Variants in ZBTB43 observed in about 807,000 individuals in gnomAD.
ZBTB43 encodes zinc finger and BTB domain containing 43.
Under a neutral mutation model 31.1 loss-of-function variants are expected in ZBTB43, and 6 were observed. That is an observed-to-expected ratio of 0.19 (90% CI 0.11 to 0.38). The LOEUF (loss-of-function observed/expected upper bound fraction) is 0.38. Among genes scored for constraint, ZBTB43 ranks in the 10% least tolerant of loss-of-function variants. The pLI, the probability that ZBTB43 is intolerant of heterozygous loss-of-function variation, is 1.00. For missense variants in ZBTB43, 379 were observed against 602.1 expected (o/e 0.63, Z 3.88); for synonymous variants, 212 against 221.7 (o/e 0.96, Z 0.39).
chr9:126,828,186 T>C (rs939846130), intron 2 of ZBTB43, among the ~76,000 whole-genome samples: 1 of 151,596 alleles, frequency 6.6e-6, no homozygotes, highest in African/African-American at 2.4e-5. Flanking sequence ...TTTTATTATT[T>C]ATTTATTTTT....
At chr9:126,827,057 A>T (rs1437106106) in intron 2 of ZBTB43, among the ~76,000 whole-genome samples, 3 of 152,054 alleles carry the variant, frequency 2.0e-5, no homozygotes, top group Admixed American at 2.0e-4. Context: ...CTCCTCTGGG[A>T]TTGCTTTTGT....
At chr9:126,814,318 TC>T (rs2032320910) in intron 2 of ZBTB43, among the ~76,000 whole-genome samples, 1 of 151,478 alleles carries the variant, frequency 6.6e-6, no homozygotes. Flanking sequence ...GAAATTTACA[TC>T]TGTAAAATGT....
intron 2 of ZBTB43, among the ~76,000 whole-genome samples, chr9:126,815,720 TC>T (rs2032372164): frequency 6.6e-6 from 1 of 151,882 alleles, no homozygotes; most frequent in Non-Finnish European, 1.5e-5. Context: ...TCCTCTACTT[TC>T]TTGAAAATAT....
chr9:126,826,013 A>ATTTT (rs35825124), intron 2 of ZBTB43, among the ~76,000 whole-genome samples: 1 of 120,984 alleles, frequency 8.3e-6, no homozygotes, highest in African/African-American at 3.1e-5. Context: ...TGCCCAGCCA[A>ATTTT]TTTTTTTTTT....
intron 1 of ZBTB43, 125 bp from the exon 2 acceptor site, chr9:126,808,663 TTAATA>T (rs1449889376): frequency 3.3e-5 from 5 of 152,222 alleles, no homozygotes; most frequent in African/African-American, 4.8e-5. Flanking sequence ...AGAATGGAAT[TTAATA>T]TAACCAAAAA....
At chr9:126,817,622 C>G (rs961356674) in intron 2 of ZBTB43, among the ~76,000 whole-genome samples, 3 of 151,694 alleles carry the variant, frequency 2.0e-5, no homozygotes, top group Non-Finnish European at 4.4e-5. Flanking sequence ...ACTACAGGTG[C>G]CTGCCACCAC....
At chr9:126,807,654 G>A (rs867812943) in intron 1 of ZBTB43, among the ~76,000 whole-genome samples, 1 of 150,932 alleles carries the variant, frequency 6.6e-6, no homozygotes, top group Admixed American at 6.6e-5. Context: ...TTGTTTTTTT[G>A]AGATGGAGTC....
chr9:126,829,775 A>T (rs1409853027), intron 2 of ZBTB43, among the ~76,000 whole-genome samples: 2 of 152,170 alleles, frequency 1.3e-5, no homozygotes, highest in Non-Finnish European at 2.9e-5. Context: ...AAATAGCTAA[A>T]AGCAAAATTC....
At chr9:126,813,736 A>G (rs753066414) in intron 2 of ZBTB43, among the ~76,000 whole-genome samples, 1 of 152,192 alleles carries the variant, frequency 6.6e-6, no homozygotes, top group Non-Finnish European at 1.5e-5. Flanking sequence ...TTTCTATGTT[A>G]ATAAGTGAGA....
In ZBTB43 at chr9:126,832,732, G is replaced by A. The variant is rs1234261699; in HGVS notation, c.223G>A (p.Val75Met). 2 of 1,614,148 alleles carry A rather than the reference G, an allele frequency of 1.2e-6. No individual in the cohort carries two copies. The highest frequency in any genetic ancestry group is 1.7e-5 in the Admixed American group (1 of 60,014). The change falls in exon 3 of 3, where the codon GTG becomes ATG. Residue 75 changes from valine (V) to methionine (M), a missense_variant. Around this residue, in one of 5 missense-constraint regions of ZBTB43, gnomAD observed 79 missense variants for 134.4 expected, o/e 0.59. Coordinates refer to ENST00000373464, the MANE Select transcript of ZBTB43 (RefSeq NM_014007.4). ...CAGCAGGAGAATTGTTTTGCCTGAT[G>A]TGATGAACCCAAGAGTGTTTGAGAA... is the stretch of plus-strand genomic sequence containing the variant. ...KNSRRIVLPD[V>M]MNPRVFENIL...
Position 126,835,907 on chromosome 9 carries a change from A to T in ZBTB43, c.*1994A>T, listed in dbSNP as rs899275730. On this transcript the variant is annotated 3_prime_UTR_variant, in exon 3 of 3. Transcript: ENST00000373464. ...TCTCCTTTTCTTTCACTCATGGTAG[A>T]GGCCAGTGGGTTTTAGGTATGATCC... 1.3e-4 allele frequency: 21 copies of T among 167,114 alleles called. No individual in the cohort carries two copies. Among genetic ancestry groups the T allele is most frequent in the African/African-American group, 5.1e-4 (21 of 41,546 alleles). The allele number at this position is 167,114 out of a possible 1,614,324, so 10.4% of individuals were successfully genotyped here.
chr9:126,829,269 C>G (rs1299942071), intron 2 of ZBTB43, among the ~76,000 whole-genome samples: 1 of 152,178 alleles, frequency 6.6e-6, no homozygotes, highest in Non-Finnish European at 1.5e-5. Flanking sequence ...GTCAAATGCA[C>G]AGCCCCTTAA....
Position 126,836,265 on chromosome 9 carries a change from T to C in ZBTB43, c.*2352T>C, listed in dbSNP as rs2032876387. On this transcript the variant is annotated 3_prime_UTR_variant, in exon 3 of 3. Transcript: ENST00000373464. ...TGGTGGCACGCTTGGGTGGTAGTTT[T>C]GGAAGCAGTCAGTTGTGCTAGGACT... is the stretch of plus-strand genomic sequence containing the variant. 1 of 167,124 alleles carries C rather than the reference T, an allele frequency of 6.0e-6. No homozygotes were observed. The highest frequency in any genetic ancestry group is 1.5e-5 in the Non-Finnish European group (1 of 68,118). 10.4% of individuals were successfully genotyped at this position (167,124 alleles called of 1,614,324 possible). A position where few individuals can be genotyped will look rare whatever the true frequency, so the allele number is the denominator to read the frequency against.
intron 2 of ZBTB43, among the ~76,000 whole-genome samples, chr9:126,819,453 T>A (rs1364710832): frequency 6.6e-6 from 1 of 152,120 alleles, no homozygotes; most frequent in Non-Finnish European, 1.5e-5. Context: ...GTTATGGTGA[T>A]CTTTGATCAG....
At position 126,836,635 on chromosome 9, in the gene ZBTB43, C is replaced by G. The variant is rs1481394949; in HGVS notation, c.*2722C>G. 6.0e-6 allele frequency: 1 copy of G among 167,126 alleles called. No individual in the cohort carries two copies. Among genetic ancestry groups the G allele is most frequent in the South Asian group, 2.1e-4 (1 of 4,826 alleles). The allele number at this position is 167,126 out of a possible 1,614,324, so 10.4% of individuals were successfully genotyped here. ...TCACCTCAATATAGCTTTAGAAAAT[C>G]TTTATCCTTCCTAATAAGTTTGGAT... is the stretch of plus-strand genomic sequence containing the variant. On this transcript the variant is annotated 3_prime_UTR_variant, in exon 3 of 3. Coordinates refer to ENST00000373464, the MANE Select transcript of ZBTB43 (RefSeq NM_014007.4).
In ZBTB43 at chr9:126,832,530, T is replaced by G. The variant is rs1430279731; in HGVS notation, c.21T>G (p.Ser7=). 6.2e-7 allele frequency: 1 copy of G among 1,607,788 alleles called. No individual in the cohort carries two copies. Among genetic ancestry groups the G allele is most frequent in the Non-Finnish European group, 8.5e-7 (1 of 1,174,688 alleles). The part of the protein sequence containing the change: MEPGTN[S]FRVEFPDFSS... ...ATGAAATGGAGCCTGGAACAAACTC[T>G]TTTCGGGTAGAATTTCCTGATTTTT... Residue 7 remains serine (S), a synonymous_variant, in exon 3 of 3, where the codon TCT becomes TCG. Coordinates refer to ENST00000373464, the MANE Select transcript of ZBTB43 (RefSeq NM_014007.4).
chr9:126,833,165 C>T lies in ZBTB43; in HGVS notation c.656C>T (p.Ala219Val). Residue 219 changes from alanine to valine, a missense_variant, in exon 3 of 3, where the codon GCC becomes GTC. Around this residue, in one of 5 missense-constraint regions of ZBTB43, gnomAD observed 253 missense variants for 322.3 expected, o/e 0.79. Coordinates refer to ENST00000373464, the MANE Select transcript of ZBTB43 (RefSeq NM_014007.4). The surrounding 1 kb of genome is among the most constrained non-coding windows in gnomAD (Gnocchi z 7.9). ...EMASQDGEEG[A>V]SDSAEFHYTR... ...GCAAGCCAGGATGGGGAGGAGGGCG[C>T]CAGCGACAGCGCCGAGTTCCACTAC... 2 of 1,613,864 alleles carry T rather than the reference C, an allele frequency of 1.2e-6. No individual in the cohort carries two copies. Among genetic ancestry groups the T allele is most frequent in the Admixed American group, 1.7e-5 (1 of 60,028 alleles).
chr9:126,809,223 C>A (rs2032190885), intron 2 of ZBTB43, among the ~76,000 whole-genome samples: 1 of 152,106 alleles, frequency 6.6e-6, no homozygotes, highest in South Asian at 2.1e-4. Flanking sequence ...GACGTGTAAC[C>A]ACTGGCAGGT....
intron 2 of ZBTB43, among the ~76,000 whole-genome samples, chr9:126,822,156 G>A (rs1405507172): frequency 2.7e-5 from 4 of 150,030 alleles, no homozygotes; most frequent in South Asian, 4.2e-4. Context: ...ATGCTCGGCC[G>A]AGATTTTTTT....
Sources: allele counts gnomAD v4.1 joint callset (sites outside exome capture counted in the v4.1 genomes callset), GRCh38; gene constraint gnomAD v4.1.1; regional missense constraint gnomAD v4.1.1; non-coding constraint Gnocchi (gnomAD v3.1); transcripts MANE v1.5; gene names NCBI Gene and HGNC (gene_info 2026-07-23, HGNC 2026-07-21).